TNS1: variants seen among roughly 807,000 people sequenced by gnomAD.
TNS1 encodes the protein tensin-1.
A neutral mutation model predicts 168.6 loss-of-function variants in TNS1; 62 were observed. The observed-to-expected ratio is 0.37, with a 90% CI of 0.30 to 0.45. TNS1 has a LOEUF of 0.45. Ranked by LOEUF, TNS1 falls within the 20% of genes least tolerant of loss-of-function variation. The pLI, the probability that TNS1 is intolerant of heterozygous loss-of-function variation, is 1.00. For missense variants in TNS1, 2,240 were observed against 2,339.4 expected, an observed-to-expected ratio of 0.96 and a Z score of 0.88; for synonymous variants, 934 against 933.2, an observed-to-expected ratio of 1.00 and a Z score of -0.02.
intron 1 of TNS1, among the ~76,000 whole-genome samples, chr2:218,018,432 A>G (rs1158513994): frequency 6.6e-6 from 1 of 152,192 alleles, no homozygotes; most frequent in East Asian, 1.9e-4. Flanking sequence ...CCTGTCCCCA[A>G]ATCTCCAATC....
chr2:217,803,334 T>A lies in TNS1; in HGVS notation c.*1125A>T, dbSNP rs1368128641. On this transcript the variant is annotated 3_prime_UTR_variant, in exon 33 of 33. Transcript: ENST00000682258. ...TCAATCCCCAGCCCCCAAAAAGGCA[T>A]CATGCAGGTAAGCAGGTCTGAGATA... is the stretch of plus-strand genomic sequence containing the variant. 6.6e-6 allele frequency: 1 copy of A among 152,304 alleles called. No individual in the cohort carries two copies. Among genetic ancestry groups the A allele is most frequent in the African/African-American group, 2.4e-5 (1 of 41,414 alleles). The allele number at this position is 152,304 out of a possible 1,614,324, so 9.4% of individuals were successfully genotyped here. A position where few individuals can be genotyped will look rare whatever the true frequency, so the allele number is the denominator to read the frequency against.
At chr2:217,849,442 G>A (rs1288423950) in intron 18 of TNS1, among the ~76,000 whole-genome samples, 1 of 152,160 alleles carries the variant, frequency 6.6e-6, no homozygotes, top group Non-Finnish European at 1.5e-5. Flanking sequence ...CCATAAAATG[G>A]GGATAATAAT....
chr2:217,955,769 G>C (rs561614034), intron 3 of TNS1, among the ~76,000 whole-genome samples: 2 of 152,316 alleles, frequency 1.3e-5, no homozygotes, highest in Admixed American at 6.5e-5. Context: ...CCAGGGGTCT[G>C]TCCATGGCCT....
At chr2:217,919,333 C>A (rs554983805) in intron 4 of TNS1, among the ~76,000 whole-genome samples, 4 of 152,350 alleles carry the variant, frequency 2.6e-5, no homozygotes, top group Admixed American at 6.5e-5. Context: ...AGCCACGCCC[C>A]GCCCCAGGCT....
chr2:217,831,334 G>T (rs1944389990), intron 22 of TNS1, 121 bp downstream of exon 22: 1 of 821,336 alleles, frequency 1.2e-6, no homozygotes, highest in Non-Finnish European at 1.9e-6. Context: ...ACCCAGGCCT[G>T]ACCTCAGTGT....
At chr2:217,824,603 C>T (rs1047847116) in intron 22 of TNS1, among the ~76,000 whole-genome samples, 9 of 152,290 alleles carry the variant, frequency 5.9e-5, no homozygotes, top group African/African-American at 1.7e-4. Context: ...CTCTGCAAGT[C>T]GGGAAGCCAA....
At position 217,814,937 on chromosome 2, in the gene TNS1, G is replaced by T. The variant is rs764441205; in HGVS notation, c.4704C>A (p.Tyr1568Ter). The change falls in exon 25 of 33, where the codon TAC becomes TAA. Residue 1568 changes from tyrosine (Y) to a stop codon, truncating the protein, a stop_gained. Transcript: ENST00000682258. LOFTEE classifies it high-confidence loss of function. ...CCTGCTCCCTGGAGATCTCAGGCTT[G>T]TACCAATACTTAGAAGTGTCCTGGA... Reference protein sequence around the residue: ...KFVQDTSKYWYKPEISREQAI... With the variant: ...KFVQDTSKYW 1 of 1,613,456 alleles carries T rather than the reference G, an allele frequency of 6.2e-7. No homozygotes were observed.
chr2:217,893,603 C>A (rs1388272314), intron 9 of TNS1, 42 bp from the exon 10 acceptor site: 1 of 1,561,534 alleles, frequency 6.4e-7, no homozygotes, highest in Non-Finnish European at 8.7e-7. Context: ...AGAAGCCCTG[C>A]AGAGCCAAAC....
In TNS1 at chr2:218,002,925, A is replaced by AAGCT; in HGVS notation, c.-57_-54dup. On this transcript the variant is annotated 5_prime_UTR_variant, in exon 1 of 33. Coordinates refer to ENST00000682258, the MANE Select transcript of TNS1 (RefSeq NM_001387777.1). ...GCCCAGGGCCTGTGAAGAGCCCCTGAAGCTAGAGTCCCCGCGGCGCTGGCA... is the reference window on the plus strand; with the variant it reads ...GCCCAGGGCCTGTGAAGAGCCCCTGAAGCTAGCTAGAGTCCCCGCGGCGCTGGCA... The AAGCT allele has an allele frequency of 4.4e-6, 2 of 456,550 alleles. No homozygotes were observed. The highest frequency in any genetic ancestry group is 3.1e-5 in the South Asian group (2 of 64,566). The allele number at this position is 456,550 out of a possible 1,614,324, so 28.3% of individuals were successfully genotyped here. A position where few individuals can be genotyped will look rare whatever the true frequency, so the allele number is the denominator to read the frequency against.
chr2:217,936,983 C>T (rs1440741274), intron 3 of TNS1: 9 of 456,780 alleles, frequency 2.0e-5, no homozygotes, highest in Non-Finnish European at 3.5e-5. Flanking sequence ...ACCTGCATGC[C>T]ACTGGGCCTC....
intron 19 of TNS1, 30 bp downstream of exon 19, chr2:217,847,480 T>C: frequency 1.4e-6 from 2 of 1,391,850 alleles, no homozygotes; most frequent in Non-Finnish European, 1.9e-6. Flanking sequence ...AAGGAAGGGG[T>C]AGAAGGAGTC....
intron 1 of TNS1, among the ~76,000 whole-genome samples, chr2:218,016,448 C>T (rs538074025): frequency 6.6e-6 from 1 of 152,324 alleles, no homozygotes; most frequent in Non-Finnish European, 1.5e-5. Flanking sequence ...CCACCCCACC[C>T]ACCTCTCTCC....
chr2:217,941,236 G>C (rs903093741), intron 3 of TNS1, among the ~76,000 whole-genome samples: 5 of 152,208 alleles, frequency 3.3e-5, no homozygotes, highest in African/African-American at 1.2e-4. Context: ...CAACATCCCA[G>C]CACCCACCCC....
chr2:217,838,709 C>T (rs923469888), intron 19 of TNS1, among the ~76,000 whole-genome samples: 15 of 152,318 alleles, frequency 9.8e-5, no homozygotes, highest in Non-Finnish European at 1.8e-4. Context: ...AGCCCAGATC[C>T]GCCTGGAGTG....
At chr2:217,918,935 C>G (rs879267743) in intron 4 of TNS1, among the ~76,000 whole-genome samples, 2 of 152,118 alleles carry the variant, frequency 1.3e-5, no homozygotes, top group East Asian at 1.9e-4. Context: ...CACTGAGGCC[C>G]GGGAGAGCCT....
intron 3 of TNS1, among the ~76,000 whole-genome samples, chr2:217,931,588 C>T (rs904542807): frequency 2.6e-5 from 4 of 152,156 alleles, no homozygotes; most frequent in East Asian, 1.9e-4. Flanking sequence ...GCTAGGCCAT[C>T]GTCTGTTTGC....
At chr2:217,942,710 T>C (rs1956975117) in intron 3 of TNS1, among the ~76,000 whole-genome samples, 1 of 152,082 alleles carries the variant, frequency 6.6e-6, no homozygotes, top group African/African-American at 2.4e-5. Flanking sequence ...GAGAAGCCCT[T>C]GTCTCCAAAG....
At chr2:217,958,029 A>ACACACACACACACAC (rs1559387618) in intron 3 of TNS1, among the ~76,000 whole-genome samples, 6 of 151,734 alleles carry the variant, frequency 4.0e-5, no homozygotes, top group African/African-American at 9.7e-5. Context: ...ACACACACAC[A>ACACACACACACACAC]AAAGGAGGAG....
At chr2:217,942,321 C>T (rs999243176) in intron 3 of TNS1, among the ~76,000 whole-genome samples, 1 of 152,214 alleles carries the variant, frequency 6.6e-6, no homozygotes, top group African/African-American at 2.4e-5. Flanking sequence ...CAGCCCACTG[C>T]TCTCCAAATC....
Sources: gnomAD v4.1 joint callset for allele counts (sites outside exome capture counted in the v4.1 genomes callset) on GRCh38, gnomAD v4.1.1 for gene constraint, MANE v1.5 for transcripts, NCBI Gene and HGNC (gene_info 2026-07-23, HGNC 2026-07-21) for gene names.